The following ZNF90 variants were observed in gnomAD, a reference collection of about 807,000 sequenced individuals.
ZNF90 encodes the protein zinc finger protein HTF9.
ZNF90 carries 11 observed loss-of-function variants against 12.0 expected under a neutral mutation model. That is an observed-to-expected ratio of 0.92 (90% CI 0.58 to 1.52). ZNF90 has a LOEUF of 1.52. Among genes scored for constraint, ZNF90 ranks in the 40% most tolerant of loss-of-function variants. The pLI, the probability that ZNF90 is intolerant of heterozygous loss-of-function variation, is 0.00. For missense variants in ZNF90, 765 were observed against 711.5 expected, an observed-to-expected ratio of 1.08 and a Z score of -0.86; for synonymous variants, 232 against 240.1, an observed-to-expected ratio of 0.97 and a Z score of 0.31.
At chr19:20,115,689 G>A (rs1555705603) in intron 3 of ZNF90, among the ~76,000 whole-genome samples, 1 of 150,150 alleles carries the variant, frequency 6.7e-6, no homozygotes, top group Admixed American at 6.6e-5. Flanking sequence ...ATCCTAGTTT[G>A]TTTGTTCAGC....
chr19:20,099,278 A>T (rs2088971653), intron 1 of ZNF90, among the ~76,000 whole-genome samples: 1 of 152,064 alleles, frequency 6.6e-6, no homozygotes, highest in Admixed American at 6.6e-5. Context: ...GGTTCAAGCG[A>T]TTCTCTTCCT....
At chr19:20,104,166 C>T in intron 1 of ZNF90, 73 bp from the exon 2 acceptor site, 4 of 1,599,406 alleles carry the variant, frequency 2.5e-6, no homozygotes, top group Middle Eastern at 1.7e-4. Flanking sequence ...TCCAATTTCA[C>T]CTTAACTCAA....
At chr19:20,092,315 G>A (rs1217654278) in intron 1 of ZNF90, among the ~76,000 whole-genome samples, 1 of 152,220 alleles carries the variant, frequency 6.6e-6, no homozygotes, top group East Asian at 1.9e-4. Flanking sequence ...TATTAGGGCA[G>A]CAGCAGCGGC....
intron 3 of ZNF90, among the ~76,000 whole-genome samples, chr19:20,115,204 T>C (rs1313759258): frequency 6.6e-6 from 1 of 152,312 alleles, no homozygotes; most frequent in South Asian, 2.1e-4. Context: ...TTTTTTGTTA[T>C]TAGATCTCAA....
chr19:20,078,398 C>T (rs2088794094), intron 1 of ZNF90, among the ~76,000 whole-genome samples: 1 of 151,974 alleles, frequency 6.6e-6, no homozygotes, highest in African/African-American at 2.4e-5. Flanking sequence ...GCGTCTCTCC[C>T]AGATTGTGCA....
At chr19:20,112,514 G>T (rs780305466) in intron 3 of ZNF90, among the ~76,000 whole-genome samples, 11 of 151,686 alleles carry the variant, frequency 7.3e-5, no homozygotes, top group Non-Finnish European at 1.6e-4. Context: ...TAGAGACGGG[G>T]TTTCACCATG....
At chr19:20,088,376 G>A (rs1001465012) in intron 1 of ZNF90, among the ~76,000 whole-genome samples, 1 of 152,098 alleles carries the variant, frequency 6.6e-6, no homozygotes, top group Admixed American at 6.5e-5. Context: ...AGAAAGATTG[G>A]TGATGGCCTG....
intron 1 of ZNF90, among the ~76,000 whole-genome samples, chr19:20,084,219 A>G (rs566660588): frequency 5.9e-5 from 9 of 151,894 alleles, no homozygotes; most frequent in African/African-American, 1.7e-4. Context: ...ACGCATGGCA[A>G]ATTTTTTTTG....
intron 3 of ZNF90, among the ~76,000 whole-genome samples, chr19:20,107,417 G>A (rs1621688): frequency 0.28 from 41,972 of 151,992 alleles, 6,342 homozygotes; most frequent in East Asian, 0.48. Context: ...TGACTAGAAG[G>A]CTTCTCAATC....
intron 3 of ZNF90, among the ~76,000 whole-genome samples, chr19:20,106,038 T>C (rs2089032880): frequency 1.1e-5 from 1 of 93,696 alleles, no homozygotes; most frequent in Non-Finnish European, 2.0e-5. Context: ...ACTTCTCTAA[T>C]TTTTTCTTTT....
chr19:20,113,921 C>G (rs977537108), intron 3 of ZNF90, among the ~76,000 whole-genome samples: 1 of 152,128 alleles, frequency 6.6e-6, no homozygotes, highest in Non-Finnish European at 1.5e-5. Context: ...AATTTCAAAA[C>G]AATACTAACT....
At chr19:20,091,987 G>A (rs1280135672) in intron 1 of ZNF90, among the ~76,000 whole-genome samples, 25 of 152,136 alleles carry the variant, frequency 1.6e-4, no homozygotes, top group Admixed American at 1.6e-3. Flanking sequence ...TGGTGGAACT[G>A]CCATCAATAA....
chr19:20,082,806 A>G (rs969888767), intron 1 of ZNF90, among the ~76,000 whole-genome samples: 12 of 152,190 alleles, frequency 7.9e-5, no homozygotes, highest in Admixed American at 2.6e-4. Context: ...TCCTCTTTGC[A>G]GTTGAGATAA....
chr19:20,100,160 A>G (rs2088978282), intron 1 of ZNF90, among the ~76,000 whole-genome samples: 1 of 152,206 alleles, frequency 6.6e-6, no homozygotes, highest in Non-Finnish European at 1.5e-5. Flanking sequence ...TCAGGAGGAC[A>G]TAGTTTCCTC....
Position 20,119,031 on chromosome 19 carries a change from T to G in ZNF90, c.1477T>G (p.Ser493Ala), listed in dbSNP as rs2089171832. ...AGAATGTGACAAAGCCTTCAAGTAC[T>G]CCTCAGCCCTTAGCACACATAAGAT... ...CQECDKAFKY[S>A]SALSTHKIIH... The change falls in exon 4 of 4, where the codon TCC (serine) becomes GCC (alanine). Residue 493 changes from serine to alanine, a missense_variant. Transcript: ENST00000418063. The G allele has an allele frequency of 6.2e-7, 1 of 1,606,874 alleles. No homozygotes were observed. Among genetic ancestry groups the G allele is most frequent in the Non-Finnish European group, 8.5e-7 (1 of 1,176,484 alleles).
At chr19:20,090,733 G>A (rs2088895833) in intron 1 of ZNF90, among the ~76,000 whole-genome samples, 1 of 152,186 alleles carries the variant, frequency 6.6e-6, no homozygotes, top group Non-Finnish European at 1.5e-5. Context: ...TGGTGTCTGG[G>A]ATGAGGCTGG....
rs548987428 is a variant in ZNF90 at position 20,117,894 on chromosome 19, A to C, written c.340A>C (p.Lys114Gln). The change falls in exon 4 of 4, where the codon AAA becomes CAA. Residue 114 changes from lysine (K) to glutamine (Q), a missense_variant. Physicochemically the swap from Lys to Gln is moderately conservative, Grantham distance 53. Coordinates refer to ENST00000418063, the MANE Select transcript of ZNF90 (RefSeq NM_007138.2). ...ACGTGAATATGGCAATTTAGAGTTA[A>C]AAAAAGGTTGTGAAAGTGTGGATGA... ...EKREYGNLEL[K>Q]KGCESVDEGK... 1.5e-5 allele frequency: 24 copies of C among 1,611,936 alleles called. No individual in the cohort carries two copies. The highest frequency in any genetic ancestry group is 1.9e-5 in the Non-Finnish European group (22 of 1,179,206).
rs1555704297 is a variant in ZNF90 at position 20,105,326 on chromosome 19, A to T, written c.226+10A>T. The T allele has an allele frequency of 1.9e-6, 3 of 1,598,618 alleles. No individual in the cohort carries two copies. The highest frequency in any genetic ancestry group is 2.2e-5 in the South Asian group (2 of 90,104). On this transcript the variant is annotated intron_variant, in intron 3 of 3. Coordinates refer to ENST00000418063, the MANE Select transcript of ZNF90 (RefSeq NM_007138.2). ...ATTGCCAAATCCCCAGGTAGGTGCG[A>T]GTGAAAATGAATACAACAGACAACA...
chr19:20,089,686 G>A (rs1473863493), intron 1 of ZNF90, among the ~76,000 whole-genome samples: 2 of 152,170 alleles, frequency 1.3e-5, no homozygotes, highest in Non-Finnish European at 2.9e-5. Flanking sequence ...GATGTGAAAT[G>A]TCTGGGGAAG....
Sources: gnomAD v4.1 joint callset for allele counts (sites outside exome capture counted in the v4.1 genomes callset) on GRCh38, gnomAD v4.1.1 for gene constraint, MANE v1.5 for transcripts, NCBI Gene and HGNC (gene_info 2026-07-23, HGNC 2026-07-21) for gene names.